DDX54: variants seen among roughly 807,000 people sequenced by gnomAD.
DDX54 encodes the protein DEAD-box helicase 54.
DDX54 carries 67 observed loss-of-function variants against 105.5 expected under a neutral mutation model. That is an observed-to-expected ratio of 0.64 (90% CI 0.52 to 0.78). The LOEUF is 0.78. Among genes scored for constraint, DDX54 ranks in the 30% least tolerant of loss-of-function variants. The pLI, the probability that DDX54 is intolerant of heterozygous loss-of-function variation, is 0.00. For missense variants in DDX54, 1,206 were observed against 1,230.5 expected (o/e 0.98, Z 0.30); for synonymous variants, 514 against 509.9 (o/e 1.01, Z -0.11).
At chr12:113,170,524 A>C (rs987613085) in intron 11 of DDX54, among the ~76,000 whole-genome samples, 3 of 152,174 alleles carry the variant, frequency 2.0e-5, no homozygotes, top group Non-Finnish European at 2.9e-5. Flanking sequence ...CTGTAGCCCT[A>C]AGTACTTGGG....
Position 113,163,033 on chromosome 12 carries a change from G to C in DDX54, c.2094C>G (p.Ser698Arg). The change falls in exon 17 of 20, where the codon AGC (serine) becomes AGG (arginine). Residue 698 changes from serine (S) to arginine (R), a missense_variant. Transcript: ENST00000306014. This position sits in a 1 kb window ranked among gnomAD's most constrained non-coding sequence, Gnocchi z 5.9. ...DFDSERGLSISGEGGAFEQQA... is the reference protein window; with the variant it reads ...DFDSERGLSIRGEGGAFEQQA... ...GCTGCTCAAAGGCTCCCCCTTCCCC[G>C]CTGATGCTCAGGCTGCAGAGGGAGA... is the stretch of plus-strand genomic sequence containing the variant. 1.9e-6 allele frequency: 3 copies of C among 1,609,016 alleles called. No homozygotes were observed. The highest frequency in any genetic ancestry group is 2.5e-6 in the Non-Finnish European group (3 of 1,179,224).
intron 3 of DDX54, 51 bp from the exon 4 acceptor site, chr12:113,179,382 T>C (rs932419102): frequency 1.1e-5 from 17 of 1,588,064 alleles, no homozygotes; most frequent in Admixed American, 1.7e-5. Context: ...CCAAACACCA[T>C]GTGATCCAGA....
chr12:113,179,585 C>T (rs1256553920), intron 3 of DDX54, among the ~76,000 whole-genome samples: 3 of 152,198 alleles, frequency 2.0e-5, no homozygotes, highest in African/African-American at 7.2e-5. Context: ...CTCTACCTCC[C>T]GTCTAGTCCT....
In DDX54 at chr12:113,161,382, G is replaced by T. The variant is rs763025089; in HGVS notation, c.2301C>A (p.Leu767=). Residue 767 remains leucine, a splice_region_variant and synonymous_variant, in exon 19 of 20, where the codon CTC becomes CTA. Transcript: ENST00000306014. ...TCTGTTTCTGTTTCCACTTCTGATA[G>T]CTGGGAAACCTCGTTAAGGAAGCTG... ...RYISSSYKRD[L]YQKWKQKQKI... is the part of the protein sequence containing the mutation. 1 of 1,611,078 alleles carries T rather than the reference G, an allele frequency of 6.2e-7. No individual in the cohort carries two copies. Among genetic ancestry groups the T allele is most frequent in the East Asian group, 2.2e-5 (1 of 44,824 alleles).
chr12:113,177,915 A>G (rs914188700), intron 5 of DDX54, among the ~76,000 whole-genome samples: 2 of 152,192 alleles, frequency 1.3e-5, no homozygotes, highest in Non-Finnish European at 2.9e-5. Flanking sequence ...TATTACAAAC[A>G]TCCCTCGATT....
intron 5 of DDX54, among the ~76,000 whole-genome samples, chr12:113,177,880 G>C (rs1952422459): frequency 6.6e-6 from 1 of 152,216 alleles, no homozygotes; most frequent in African/African-American, 2.4e-5. Context: ...AACAGCAGGA[G>C]ATACTACATC....
Position 113,157,792 on chromosome 12 carries a change from A to C in DDX54, c.*1085T>G. The stretch of plus-strand genomic sequence containing the variant: ...TGGCTCTTCCTGAATCCGTTTCCTC[A>C]TTGGGAAGATGGGAGGGCTGTGCCT... On this transcript the variant is annotated 3_prime_UTR_variant, in exon 20 of 20. Coordinates refer to ENST00000306014, the MANE Select transcript of DDX54 (RefSeq NM_024072.4). The C allele has an allele frequency of 1.1e-6, 1 of 874,020 alleles. No homozygotes were observed. Among genetic ancestry groups the C allele is most frequent in the South Asian group, 1.5e-5 (1 of 66,112 alleles). The allele number at this position is 874,020 out of a possible 1,614,324, so 54.1% of individuals were successfully genotyped here.
intron 17 of DDX54, chr12:113,162,680 T>G: frequency 1.5e-5 from 6 of 399,658 alleles, no homozygotes; most frequent in East Asian, 5.1e-5. Flanking sequence ...CTTCAGGGAA[T>G]GGAGGTAGGG....
chr12:113,180,273 C>CTAAGAAGCTGTGCCTTCG (rs1952451480), intron 2 of DDX54, among the ~76,000 whole-genome samples: 1 of 152,162 alleles, frequency 6.6e-6, no homozygotes, highest in Non-Finnish European at 1.5e-5. Flanking sequence ...TTAGGTGACA[C>CTAAGAAGCTGTGCCTTCG]TAAGAAGCTG....
At position 113,157,265 on chromosome 12, in the gene DDX54, T is replaced by A; in HGVS notation, c.*1612A>T. On this transcript the variant is annotated 3_prime_UTR_variant, in exon 20 of 20. Coordinates refer to ENST00000306014, the MANE Select transcript of DDX54 (RefSeq NM_024072.4). The stretch of plus-strand genomic sequence containing the variant: ...GGAGAGCCACCCACGGAGATAAGAG[T>A]AGGTCACAAACCAATGAATATGACT... 6.8e-6 allele frequency: 2 copies of A among 294,858 alleles called. No individual in the cohort carries two copies. Among genetic ancestry groups the A allele is most frequent in the Admixed American group, 4.7e-5 (1 of 21,430 alleles). 18.3% of individuals were successfully genotyped at this position (294,858 alleles called of 1,614,324 possible).
Position 113,165,971 on chromosome 12 carries a change from GTCC to G in DDX54, c.1473_1475del (p.Glu491del). On this transcript the variant is annotated inframe_deletion, in exon 13 of 20. Coordinates refer to ENST00000306014, the MANE Select transcript of DDX54 (RefSeq NM_024072.4). ...CCTCCAGGGTGCTCTGCAGACCACT[GTCC>G]TCCTCGTCCACCACACTCTGTGGCA... 1.9e-6 allele frequency: 3 copies of G among 1,612,968 alleles called. No individual in the cohort carries two copies. Among genetic ancestry groups the G allele is most frequent in the Non-Finnish European group, 2.5e-6 (3 of 1,180,010 alleles).
In DDX54 at chr12:113,175,029, C is replaced by T; in HGVS notation, c.874+7G>A. 1 of 1,613,730 alleles carries T rather than the reference C, an allele frequency of 6.2e-7. No individual in the cohort carries two copies. ...CCAGCCCCCATCTCCACCCCCAGCT[C>T]ACGCACCAGCCCGGGCAAATTCCAC... On this transcript the variant is annotated splice_region_variant and intron_variant, in intron 8 of 19. Transcript: ENST00000306014.
Position 113,163,291 on chromosome 12 carries a change from C to T in DDX54, c.1939-17G>A. ...GAAAATGTCCTGGCAGAGCACAGAC[C>T]AAGGCCCAGTGTCATGCCTGCTGCC... On this transcript the variant is annotated splice_polypyrimidine_tract_variant and intron_variant, in intron 15 of 19. Coordinates refer to ENST00000306014, the MANE Select transcript of DDX54 (RefSeq NM_024072.4). The surrounding 1 kb of genome is among the most constrained non-coding windows in gnomAD (Gnocchi z 5.9). 2.5e-6 allele frequency: 4 copies of T among 1,605,222 alleles called. No homozygotes were observed. The highest frequency in any genetic ancestry group is 3.4e-6 in the Non-Finnish European group (4 of 1,178,902).
chr12:113,177,926 C>A (rs979422730), intron 5 of DDX54, among the ~76,000 whole-genome samples: 6 of 152,230 alleles, frequency 3.9e-5, no homozygotes, highest in Non-Finnish European at 7.3e-5. Context: ...TCCCTCGATT[C>A]CTGTGCTTTC....
intron 7 of DDX54, among the ~76,000 whole-genome samples, chr12:113,176,150 G>C (rs1267869659): frequency 6.6e-6 from 1 of 152,212 alleles, no homozygotes; most frequent in African/African-American, 2.4e-5. Context: ...CCAAGGCCCA[G>C]AGATGTCCAG....
At chr12:113,181,650 T>G (rs990960087) in intron 1 of DDX54, among the ~76,000 whole-genome samples, 1 of 151,904 alleles carries the variant, frequency 6.6e-6, no homozygotes, top group African/African-American at 2.4e-5. Flanking sequence ...GCCTACTATA[T>G]GTGAAGTACT....
chr12:113,184,213 T>C (rs1952499030), intron 1 of DDX54, among the ~76,000 whole-genome samples: 1 of 152,200 alleles, frequency 6.6e-6, no homozygotes, highest in Non-Finnish European at 1.5e-5. Context: ...CCTAAAGTGC[T>C]GGGATTACAG....
At chr12:113,159,207 G>A in intron 19 of DDX54, 98 bp from the exon 20 acceptor site, 1 of 1,306,316 alleles carries the variant, frequency 7.7e-7, no homozygotes. Flanking sequence ...CCCTACTCCT[G>A]TTCTGTGCTT....
intron 7 of DDX54, among the ~76,000 whole-genome samples, chr12:113,175,537 CA>C (rs1469443844): frequency 2.6e-5 from 4 of 152,174 alleles, no homozygotes; most frequent in Admixed American, 6.5e-5. Context: ...CCTGTAATCC[CA>C]AGCACTTTGG....
Sources: gnomAD v4.1 joint callset for allele counts (sites outside exome capture counted in the v4.1 genomes callset) on GRCh38, gnomAD v4.1.1 for gene constraint, Gnocchi (gnomAD v3.1) non-coding constraint, MANE v1.5 for transcripts, NCBI Gene and HGNC (gene_info 2026-07-23, HGNC 2026-07-21) for gene names.